CEP170: variants seen among roughly 807,000 people sequenced by gnomAD.
CEP170 encodes the protein centrosomal protein 170.
A neutral mutation model predicts 151.9 loss-of-function variants in CEP170; 21 were observed. That is an observed-to-expected ratio of 0.14 (90% CI 0.10 to 0.20). The LOEUF is 0.20. CEP170 is among the 10% of genes least tolerant of loss of function. The probability of loss-of-function intolerance (pLI) is 1.00; values close to 1 mark genes in which losing one functional copy is unlikely to be tolerated. For missense variants in CEP170, 964 were observed against 1,892.9 expected (o/e 0.51, Z 9.11); for synonymous variants, 356 against 648.8 (o/e 0.55, Z 6.86).
chr1:243,133,492 A>G (rs1335764901), intron 17 of CEP170, among the ~76,000 whole-genome samples: 1 of 152,208 alleles, frequency 6.6e-6, no homozygotes, highest in African/African-American at 2.4e-5. Context: ...AATAAAAATG[A>G]TAACAATTAT....
At chr1:243,127,689 G>T (rs1308494964) in intron 19 of CEP170, among the ~76,000 whole-genome samples, 3 of 152,198 alleles carry the variant, frequency 2.0e-5, no homozygotes, top group Non-Finnish European at 4.4e-5. Flanking sequence ...CCTGCCTGTT[G>T]TACCACTGGG....
chr1:243,134,748 C>A (rs895570473), intron 17 of CEP170, among the ~76,000 whole-genome samples: 1 of 151,788 alleles, frequency 6.6e-6, no homozygotes, highest in African/African-American at 2.4e-5. Flanking sequence ...CCTGCCTTGG[C>A]CTCCCAAAGT....
chr1:243,196,995 GAA>G (rs1267052032), intron 7 of CEP170, among the ~76,000 whole-genome samples: 2 of 152,092 alleles, frequency 1.3e-5, no homozygotes, highest in Non-Finnish European at 2.9e-5. Flanking sequence ...GCTGACCATG[GAA>G]ACTGGGACAA....
chr1:243,178,386 A>G (rs2059395562), intron 10 of CEP170, among the ~76,000 whole-genome samples: 1 of 150,624 alleles, frequency 6.6e-6, no homozygotes, highest in Non-Finnish European at 1.5e-5. Flanking sequence ...TGAAAACATT[A>G]TTCCAAGTGA....
chr1:243,250,961 A>C (rs933017356), intron 1 of CEP170, among the ~76,000 whole-genome samples: 1 of 152,206 alleles, frequency 6.6e-6, no homozygotes, highest in East Asian at 1.9e-4. Flanking sequence ...CACTGACAAA[A>C]CTGATTGAAT....
intron 1 of CEP170, among the ~76,000 whole-genome samples, chr1:243,227,128 A>G (rs1350564621): frequency 1.3e-5 from 2 of 152,198 alleles, no homozygotes; most frequent in African/African-American, 4.8e-5. Context: ...CTATTTTAAA[A>G]CATCACACTC....
At chr1:243,237,535 T>C (rs1303171883) in intron 1 of CEP170, among the ~76,000 whole-genome samples, 3 of 152,174 alleles carry the variant, frequency 2.0e-5, no homozygotes, top group East Asian at 3.8e-4. Context: ...GATAAAATAA[T>C]GCATGCTGGA....
At chr1:243,156,118 T>G in intron 14 of CEP170, 103 bp downstream of exon 14, 1 of 1,307,512 alleles carries the variant, frequency 7.6e-7, no homozygotes, top group African/African-American at 1.5e-5. Context: ...TGGATTTCAG[T>G]TCTTAGACTA....
chr1:243,153,743 A>G (rs1464998324), intron 14 of CEP170, among the ~76,000 whole-genome samples: 1 of 152,192 alleles, frequency 6.6e-6, no homozygotes, highest in Non-Finnish European at 1.5e-5. Flanking sequence ...AAACTGTGTG[A>G]CTTGCTTTGA....
chr1:243,175,954 G>C (rs1236542994), intron 10 of CEP170, among the ~76,000 whole-genome samples: 1 of 152,062 alleles, frequency 6.6e-6, no homozygotes, highest in Non-Finnish European at 1.5e-5. Flanking sequence ...CCGCCACTAC[G>C]CCTGGCTAAT....
intron 14 of CEP170, among the ~76,000 whole-genome samples, chr1:243,150,951 G>C (rs1413322507): frequency 1.3e-5 from 2 of 152,048 alleles, no homozygotes; most frequent in African/African-American, 2.4e-5. Context: ...CTCAGACCAA[G>C]AATATGGTCT....
intron 14 of CEP170, among the ~76,000 whole-genome samples, chr1:243,150,715 A>T (rs12403784): frequency 0.077 from 11,716 of 152,190 alleles, 1,045 homozygotes; most frequent in African/African-American, 0.19. Context: ...AGCTCCAAAT[A>T]AAGTTCTAAC....
At position 243,178,308 on chromosome 1, in the gene CEP170, C is replaced by CAAAAAAAAAA. The variant is rs869094317; in HGVS notation, c.1567-5472_1567-5463dup. 2.1e-3 allele frequency among the ~76,000 whole-genome samples: 63 copies of CAAAAAAAAAA among 30,428 alleles called. 6 individuals carry two copies. Among genetic ancestry groups the CAAAAAAAAAA allele is most frequent in the African/African-American group, 9.6e-3 (59 of 6,120 alleles). The allele number at this position is 30,428 out of a possible 152,430, so 20.0% of individuals were successfully genotyped here. A position where few individuals can be genotyped will look rare whatever the true frequency, so the allele number is the denominator to read the frequency against. ...TGGGCAACAGAGCGAGACTCTGCCT[C>CAAAAAAAAAA]AAAAAAAAAAAAAAAAAAAAAAAAA... On this transcript the variant is annotated intron_variant, in intron 10 of 19. Coordinates refer to ENST00000366542, the MANE Select transcript of CEP170 (RefSeq NM_014812.3).
intron 15 of CEP170, chr1:243,140,308 C>T: frequency 1.3e-6 from 1 of 785,006 alleles, no homozygotes; most frequent in Non-Finnish European, 1.8e-6. Context: ...GATTCATCTA[C>T]ACAGGTTTTA....
At chr1:243,175,043 T>G (rs775495995) in intron 10 of CEP170, 1 of 152,258 alleles carries the variant, frequency 6.6e-6, no homozygotes, top group Non-Finnish European at 1.5e-5. Context: ...CTCTTTGACA[T>G]GTAATTTAGA....
intron 2 of CEP170, among the ~76,000 whole-genome samples, chr1:243,223,771 T>C (rs2063009669): frequency 6.6e-6 from 1 of 152,110 alleles, no homozygotes; most frequent in Middle Eastern, 3.2e-3. Flanking sequence ...AGAAGAGTAG[T>C]CAGGAACTCA....
chr1:243,251,970 A>G (rs2065976863), intron 1 of CEP170, among the ~76,000 whole-genome samples: 1 of 152,160 alleles, frequency 6.6e-6, no homozygotes, highest in African/African-American at 2.4e-5. Flanking sequence ...GATGTTTTTT[A>G]TCTCTCACAA....
At position 243,135,388 on chromosome 1, in the gene CEP170, A is replaced by G. The variant is rs181975720; in HGVS notation, c.4319+755T>C. Reference sequence around the variant, plus strand: ...CGCCCGGCTAATTTTTTTGAATTTTAATAGAGACAGGGTTTCACCGTGTTA... The same window carrying G: ...CGCCCGGCTAATTTTTTTGAATTTTGATAGAGACAGGGTTTCACCGTGTTA... On this transcript the variant is annotated intron_variant, in intron 17 of 19. Coordinates refer to ENST00000366542, the MANE Select transcript of CEP170 (RefSeq NM_014812.3). Among the ~76,000 whole-genome samples, 57 of 151,978 alleles carry G rather than the reference A, an allele frequency of 3.8e-4. No individual in the cohort carries two copies. In the East Asian group the frequency reaches 8.7e-3, roughly 23 times the overall value.
intron 1 of CEP170, among the ~76,000 whole-genome samples, chr1:243,231,189 TC>T (rs1389558052): frequency 0.025 from 3,012 of 121,616 alleles, 104 homozygotes; most frequent in African/African-American, 0.071. Context: ...ATCATCATCA[TC>T]ATTATTATTA....
Sources: allele counts gnomAD v4.1 joint callset (sites outside exome capture counted in the v4.1 genomes callset), GRCh38; gene constraint gnomAD v4.1.1; transcripts MANE v1.5; gene names NCBI Gene and HGNC (gene_info 2026-07-23, HGNC 2026-07-21).